Variants in CNTN3 observed in about 807,000 individuals in gnomAD.
The protein encoded by CNTN3 is contactin-3.
Under a neutral mutation model 119.1 loss-of-function variants are expected in CNTN3, and 60 were observed. The observed-to-expected ratio is 0.50, with a 90% CI of 0.41 to 0.62. The LOEUF is 0.62. Among genes scored for constraint, CNTN3 ranks in the 20% least tolerant of loss-of-function variants. The pLI is 0.00. For missense variants in CNTN3, 1,101 were observed against 1,242.4 expected (o/e 0.89, Z 1.71); for synonymous variants, 450 against 438.7 (o/e 1.03, Z -0.32).
intron 5 of CNTN3, among the ~76,000 whole-genome samples, chr3:74,398,185 G>A (rs1705103191): frequency 6.6e-6 from 1 of 152,306 alleles, no homozygotes; most frequent in Admixed American, 6.5e-5. Context: ...TGGACAAAAT[G>A]TTATCAAATA....
chr3:74,284,877 T>C (rs951360252), intron 20 of CNTN3, among the ~76,000 whole-genome samples: 2 of 152,154 alleles, frequency 1.3e-5, no homozygotes, highest in African/African-American at 4.8e-5. Flanking sequence ...TTAATGCACA[T>C]TGCCATTTTT....
intron 8 of CNTN3, among the ~76,000 whole-genome samples, chr3:74,367,599 C>A (rs1704230950): frequency 6.6e-6 from 1 of 151,788 alleles, no homozygotes; most frequent in Admixed American, 6.6e-5. Flanking sequence ...GTGCTAGTCA[C>A]TGCTGGCAGC....
At chr3:74,489,716 T>C (rs1361084616) in intron 3 of CNTN3, among the ~76,000 whole-genome samples, 1 of 144,822 alleles carries the variant, frequency 6.9e-6, no homozygotes, top group African/African-American at 2.5e-5. Context: ...CAACTGCTCA[T>C]TGGTTTATCA....
At chr3:74,589,904 C>A (rs1394130412) in intron 1 of CNTN3, among the ~76,000 whole-genome samples, 1 of 135,012 alleles carries the variant, frequency 7.4e-6, no homozygotes, top group Non-Finnish European at 1.5e-5. Context: ...GGGAATTGTA[C>A]AATGAGAACA....
At chr3:74,432,538 A>G (rs188829219) in intron 4 of CNTN3, among the ~76,000 whole-genome samples, 1 of 152,334 alleles carries the variant, frequency 6.6e-6, no homozygotes, top group East Asian at 1.9e-4. Context: ...TTCACAATCA[A>G]GTGGTAAAGT....
chr3:74,287,011 G>T (rs1247110045), intron 19 of CNTN3, among the ~76,000 whole-genome samples: 1 of 152,146 alleles, frequency 6.6e-6, no homozygotes, highest in African/African-American at 2.4e-5. Context: ...TTAACTGTTC[G>T]CAGCAAAGCC....
chr3:74,494,091 C>A (rs1050662257), intron 3 of CNTN3, among the ~76,000 whole-genome samples: 3 of 152,026 alleles, frequency 2.0e-5, no homozygotes, highest in Non-Finnish European at 4.4e-5. Flanking sequence ...TATTGCCTTC[C>A]CTGCAGCCAT....
intron 14 of CNTN3, among the ~76,000 whole-genome samples, chr3:74,302,045 A>G (rs1326359674): frequency 1.3e-5 from 2 of 152,160 alleles, no homozygotes; most frequent in East Asian, 3.9e-4. Context: ...CCCAAACCAT[A>G]ATACTCTCTG....
At chr3:74,318,276 G>A (rs1702887539) in intron 13 of CNTN3, among the ~76,000 whole-genome samples, 2 of 151,892 alleles carry the variant, frequency 1.3e-5, no homozygotes, top group Admixed American at 1.3e-4. Context: ...TTTGCCATTG[G>A]TTTGAATTTC....
intron 4 of CNTN3, among the ~76,000 whole-genome samples, chr3:74,467,259 AG>A (rs1011454118): frequency 7.9e-5 from 12 of 152,290 alleles, no homozygotes; most frequent in African/African-American, 2.9e-4. Flanking sequence ...AAAAAATAAG[AG>A]TTATTTTACC....
chr3:74,450,180 T>C (rs1420267430), intron 4 of CNTN3, among the ~76,000 whole-genome samples: 2 of 152,128 alleles, frequency 1.3e-5, no homozygotes, highest in African/African-American at 2.4e-5. Context: ...ATTTATATTC[T>C]GCATTGTAAA....
chr3:74,283,556 C>A (rs1371914385), intron 20 of CNTN3, among the ~76,000 whole-genome samples: 1 of 152,044 alleles, frequency 6.6e-6, no homozygotes, highest in African/African-American at 2.4e-5. Context: ...CTTACTAATC[C>A]ACTAAGTTCT....
chr3:74,314,306 T>C (rs367658605), intron 13 of CNTN3, among the ~76,000 whole-genome samples: 7 of 152,316 alleles, frequency 4.6e-5, no homozygotes, highest in African/African-American at 1.4e-4. Flanking sequence ...TTAATGCAGA[T>C]ATCTCAATTA....
At chr3:74,593,186 T>C (rs1048206106) in intron 1 of CNTN3, among the ~76,000 whole-genome samples, 2 of 151,968 alleles carry the variant, frequency 1.3e-5, no homozygotes, top group Non-Finnish European at 2.9e-5. Flanking sequence ...CTATAGTGCA[T>C]TGTGGCTAAT....
intron 5 of CNTN3, among the ~76,000 whole-genome samples, chr3:74,386,847 G>T (rs1014758309): frequency 1.3e-5 from 2 of 152,160 alleles, no homozygotes; most frequent in African/African-American, 4.8e-5. Flanking sequence ...TTGTCATTTT[G>T]GTCTTGCTTG....
At chr3:74,612,346 T>A (rs967086498) in intron 1 of CNTN3, among the ~76,000 whole-genome samples, 4 of 152,232 alleles carry the variant, frequency 2.6e-5, no homozygotes, top group African/African-American at 7.2e-5. Flanking sequence ...ATCTTCTCTC[T>A]ACTTGAAAGT....
At chr3:74,491,528 CA>C (rs1159748682) in intron 3 of CNTN3, among the ~76,000 whole-genome samples, 4 of 151,752 alleles carry the variant, frequency 2.6e-5, no homozygotes, top group East Asian at 1.9e-4. Context: ...AACAAACAAA[CA>C]AAAAAAACTT....
intron 4 of CNTN3, among the ~76,000 whole-genome samples, chr3:74,469,050 G>A (rs1369297286): frequency 6.6e-6 from 1 of 152,132 alleles, no homozygotes; most frequent in Non-Finnish European, 1.5e-5. Flanking sequence ...GCTCTCAGTT[G>A]TTTCACAATC....
chr3:74,430,989 G>C (rs972559497), intron 4 of CNTN3, among the ~76,000 whole-genome samples: 3 of 152,126 alleles, frequency 2.0e-5, no homozygotes, highest in African/African-American at 7.2e-5. Context: ...CATGGGGCCA[G>C]TATCTCCGAA....
Sources: allele counts gnomAD v4.1 joint callset (sites outside exome capture counted in the v4.1 genomes callset), GRCh38; gene constraint gnomAD v4.1.1; transcripts MANE v1.5; gene names NCBI Gene and HGNC (gene_info 2026-07-23, HGNC 2026-07-21).